Variants in DCHS2 observed in about 807,000 individuals in gnomAD.
DCHS2 encodes dachsous cadherin-related 2, also known as protocadherin-23.
DCHS2 carries 142 observed loss-of-function variants against 182.4 expected under a neutral mutation model. The ratio of observed to expected loss-of-function variants is 0.78; its 90% confidence interval spans 0.68 to 0.89. The LOEUF is 0.89. Among genes scored for constraint, DCHS2 ranks in the 40% least tolerant of loss-of-function variants. DCHS2 has a pLI of 0.00. For synonymous variants in DCHS2, 1,740 were observed against 1,663.3 expected, an observed-to-expected ratio of 1.05 and a Z score of -1.12; for missense variants, 4,319 against 4,198.6, an observed-to-expected ratio of 1.03 and a Z score of -0.79.
intron 14 of DCHS2, among the ~76,000 whole-genome samples, chr4:154,268,302 C>T (rs540928512): frequency 6.6e-6 from 1 of 151,344 alleles, no homozygotes; most frequent in Non-Finnish European, 1.5e-5. Flanking sequence ...CAGAATACTA[C>T]ACTCGTGCTT....
At chr4:154,441,103 T>C (rs567947325) in intron 1 of DCHS2, among the ~76,000 whole-genome samples, 2 of 152,330 alleles carry the variant, frequency 1.3e-5, no homozygotes, top group Admixed American at 6.5e-5. Flanking sequence ...CCTTTGATAT[T>C]AGATTGTTGT....
intron 13 of DCHS2, among the ~76,000 whole-genome samples, chr4:154,278,185 A>G (rs775011635): frequency 6.6e-5 from 10 of 152,124 alleles, no homozygotes; most frequent in Non-Finnish European, 1.5e-4. Flanking sequence ...AAAAAAACCC[A>G]GAAATTAAGG....
intron 3 of DCHS2, among the ~76,000 whole-genome samples, chr4:154,340,640 A>C (rs1729020667): frequency 1.3e-5 from 2 of 152,246 alleles, no homozygotes; most frequent in South Asian, 4.1e-4. Flanking sequence ...ATGTTAGTCC[A>C]TGAAGCAAAA....
chr4:154,278,156 A>C (rs1733951563), intron 13 of DCHS2, among the ~76,000 whole-genome samples: 1 of 152,152 alleles, frequency 6.6e-6, no homozygotes. Context: ...AATATCAATA[A>C]AGAGATAGAA....
chr4:154,491,105 C>T lies in DCHS2; in HGVS notation c.251G>A (p.Gly84Asp). ...DEGLPPDTLV[G>D]DIRAGLPAAQ... The stretch of plus-strand genomic sequence containing the variant: ...GGCCGGCAGCCCGGCGCGGATGTCA[C>T]CTACCAGCGTGTCCGGGGGAAGCCC... Residue 84 changes from glycine to aspartate, a missense_variant, in exon 1 of 20, where the codon GGT (glycine) becomes GAT (aspartate). Gly to Asp is a moderately conservative substitution (Grantham distance 94, BLOSUM62 -1). Coordinates refer to ENST00000357232, the MANE Select transcript of DCHS2 (RefSeq NM_001358235.2). 6.4e-7 allele frequency: 1 copy of T among 1,551,378 alleles called. No homozygotes were observed. Among genetic ancestry groups the T allele is most frequent in the Non-Finnish European group, 8.7e-7 (1 of 1,146,922 alleles).
chr4:154,461,916 G>GAAA (rs1401154036), intron 1 of DCHS2, among the ~76,000 whole-genome samples: 1 of 152,160 alleles, frequency 6.6e-6, no homozygotes. Context: ...AGGCTTCCCA[G>GAAA]AAAGTTGTCC....
chr4:154,315,243 T>C (rs1175740201), intron 10 of DCHS2, among the ~76,000 whole-genome samples: 1 of 152,208 alleles, frequency 6.6e-6, no homozygotes, highest in Non-Finnish European at 1.5e-5. Flanking sequence ...ATTATCTCCA[T>C]ATCACAGATA....
At chr4:154,286,976 C>T (rs1734433343) in intron 13 of DCHS2, among the ~76,000 whole-genome samples, 1 of 152,100 alleles carries the variant, frequency 6.6e-6, no homozygotes, top group Admixed American at 6.6e-5. Flanking sequence ...AAAGAAACAA[C>T]ATGCAGTGGA....
chr4:154,320,973 GATA>G lies in DCHS2; in HGVS notation c.4423_4425del (p.Tyr1475del). The G allele has an allele frequency of 6.2e-7, 1 of 1,614,080 alleles. No homozygotes were observed. The highest frequency in any genetic ancestry group is 8.5e-7 in the Non-Finnish European group (1 of 1,179,988). ...TGGTCTGTAGTAATCACTCTGAAAAGATAATGAGATGTCGTCTCATAATCAAGT... is the reference window on the plus strand; with the variant it reads ...TGGTCTGTAGTAATCACTCTGAAAAGATGAGATGTCGTCTCATAATCAAGT... On this transcript the variant is annotated inframe_deletion, in exon 9 of 20. Transcript: ENST00000357232.
intron 1 of DCHS2, among the ~76,000 whole-genome samples, chr4:154,482,516 A>G (rs1355788172): frequency 1.3e-5 from 2 of 152,234 alleles, no homozygotes; most frequent in Non-Finnish European, 2.9e-5. Flanking sequence ...AAATGGGCCA[A>G]TAGGTAGCAG....
intron 1 of DCHS2, among the ~76,000 whole-genome samples, chr4:154,468,376 T>C (rs559453446): frequency 5.9e-5 from 9 of 152,320 alleles, no homozygotes; most frequent in Non-Finnish European, 8.8e-5. Context: ...GGATTTTCTT[T>C]GAACACTCAT....
chr4:154,466,236 G>A (rs1560775638), intron 1 of DCHS2, among the ~76,000 whole-genome samples: 1 of 152,094 alleles, frequency 6.6e-6, no homozygotes, highest in Non-Finnish European at 1.5e-5. Flanking sequence ...AGAGAAACAA[G>A]GTGATTCTTA....
Position 154,235,380 on chromosome 4 carries a change from G to A in DCHS2, c.9272C>T (p.Ser3091Phe), listed in dbSNP as rs757388888. ...TCCTTCCACAGAACAGTGGCCACTG[G>A]AGTTTGAGTGTCTGTACAGATTGAC... Reference protein sequence around the residue: ...DIVNLYRHSNSSGHCSVEGET... With the variant: ...DIVNLYRHSNFSGHCSVEGET... The change falls in exon 20 of 20, where the codon TCC becomes TTC. Residue 3091 changes from serine to phenylalanine, a missense_variant. Transcript: ENST00000357232. The A allele has an allele frequency of 1.2e-6, 2 of 1,614,010 alleles. No homozygotes were observed. Among genetic ancestry groups the A allele is most frequent in the African/African-American group, 2.7e-5 (2 of 75,018 alleles).
chr4:154,330,943 C>G (rs1340699278), intron 5 of DCHS2, among the ~76,000 whole-genome samples: 1 of 152,132 alleles, frequency 6.6e-6, no homozygotes, highest in African/African-American at 2.4e-5. Context: ...GGATAAGCAG[C>G]AGCCTTGGAG....
chr4:154,434,906 A>T (rs1410734637), intron 1 of DCHS2, among the ~76,000 whole-genome samples: 1 of 152,198 alleles, frequency 6.6e-6, no homozygotes, highest in Non-Finnish European at 1.5e-5. Context: ...AAGTCATCAA[A>T]ACCAAGGAAA....
chr4:154,464,058 T>C (rs1237885805), intron 1 of DCHS2, among the ~76,000 whole-genome samples: 1 of 152,142 alleles, frequency 6.6e-6, no homozygotes, highest in African/African-American at 2.4e-5. Flanking sequence ...ACGTCAGAAT[T>C]AACACCTTAA....
intron 14 of DCHS2, among the ~76,000 whole-genome samples, chr4:154,263,503 A>T (rs911801304): frequency 1.3e-5 from 2 of 152,064 alleles, no homozygotes; most frequent in Admixed American, 6.6e-5. Context: ...GTAAGTACTA[A>T]CAGCTCATTT....
intron 2 of DCHS2, among the ~76,000 whole-genome samples, chr4:154,368,021 G>A (rs990533184): frequency 6.6e-6 from 1 of 152,164 alleles, no homozygotes; most frequent in African/African-American, 2.4e-5. Context: ...CATGTTCTGA[G>A]TTGAATAAAG....
At chr4:154,410,766 T>A (rs1474033113) in intron 1 of DCHS2, among the ~76,000 whole-genome samples, 1 of 152,114 alleles carries the variant, frequency 6.6e-6, no homozygotes, top group Non-Finnish European at 1.5e-5. Flanking sequence ...TTGACATCCA[T>A]GAAGTTCAAA....
Sources: gnomAD v4.1 joint callset for allele counts (sites outside exome capture counted in the v4.1 genomes callset) on GRCh38, gnomAD v4.1.1 for gene constraint, MANE v1.5 for transcripts, NCBI Gene and HGNC (gene_info 2026-07-23, HGNC 2026-07-21) for gene names.